PPP4R3B: variants seen among roughly 807,000 people sequenced by gnomAD.
PPP4R3B encodes serine/threonine-protein phosphatase 4 regulatory subunit 3B.
Under a neutral mutation model 95.4 loss-of-function variants are expected in PPP4R3B, and 52 were observed. The ratio of observed to expected loss-of-function variants is 0.54; its 90% CI spans 0.44 to 0.69. The LOEUF (loss-of-function observed/expected upper bound fraction) is 0.69, where lower values mean the gene tolerates loss of function less well. PPP4R3B is among the 30% of genes least tolerant of loss of function. PPP4R3B has a pLI of 0.00. For missense variants in PPP4R3B, 1,003 were observed against 1,005.9 expected (o/e 1.00, Z 0.04); for synonymous variants, 407 against 343.9 (o/e 1.18, Z -2.03).
chr2:55,594,218 T>A (rs949803214), intron 4 of PPP4R3B, among the ~76,000 whole-genome samples: 1 of 150,906 alleles, frequency 6.6e-6, no homozygotes, highest in Non-Finnish European at 1.5e-5. Context: ...ATCACGGTGA[T>A]GGGTACACTA....
At chr2:55,617,047 C>T in intron 1 of PPP4R3B, 97 bp downstream of exon 1, 1 of 1,418,128 alleles carries the variant, frequency 7.1e-7, no homozygotes, top group Non-Finnish European at 9.5e-7. Context: ...CGCGCTGTCC[C>T]GAAGGAGTAG....
intron 16 of PPP4R3B, among the ~76,000 whole-genome samples, chr2:55,557,059 TAAC>T (rs965597544): frequency 8.8e-5 from 13 of 147,536 alleles, no homozygotes; most frequent in East Asian, 6.1e-4. Flanking sequence ...TGAGACTCTG[TAAC>T]AACAACGACG....
At position 55,578,311 on chromosome 2, in the gene PPP4R3B, C is replaced by G. The variant is rs1222974600; in HGVS notation, c.1500G>C (p.Trp500Cys). ...DFFLKHYRYS[W>C]SFICTPSHSH... Reference sequence around the variant, plus strand: ...AATGTGAAGGGGTACATATGAAACTCCAACTATATCTGTAATGTTTTAAAA... The same window carrying G: ...AATGTGAAGGGGTACATATGAAACTGCAACTATATCTGTAATGTTTTAAAA... Residue 500 changes from tryptophan (W) to cysteine (C), a missense_variant, in exon 10 of 17, where the codon TGG becomes TGC. This residue lies in a region of PPP4R3B where 695 missense variants were observed against 686.2 expected (regional missense o/e 1.01). Transcript: ENST00000616407. 11 of 1,452,434 alleles carry G rather than the reference C, an allele frequency of 7.6e-6. No individual in the cohort carries two copies. The highest frequency in any genetic ancestry group is 1.6e-5 in the South Asian group (1 of 62,428). The allele number at this position is 1,452,434 out of a possible 1,614,324, so 90.0% of individuals were successfully genotyped here.
chr2:55,584,514 A>T (rs1279693633), intron 7 of PPP4R3B, among the ~76,000 whole-genome samples: 1 of 152,072 alleles, frequency 6.6e-6, no homozygotes, highest in African/African-American at 2.4e-5. Flanking sequence ...CCCTTTCCCC[A>T]AGTCCCCAAA....
chr2:55,547,903 G>A lies in PPP4R3B; in HGVS notation c.*2008C>T, dbSNP rs1684880836. The A allele has an allele frequency of 6.6e-6, 1 of 152,206 alleles. No individual in the cohort carries two copies. The highest frequency in any genetic ancestry group is 6.5e-5 in the Admixed American group (1 of 15,280). The allele number at this position is 152,206 out of a possible 1,614,324, so 9.4% of individuals were successfully genotyped here. ...ACTACACTCCAGCCTGGGCAACAGAGCGAGACTCAAACAAACAAACAAAAA... is the reference window on the plus strand; with the variant it reads ...ACTACACTCCAGCCTGGGCAACAGAACGAGACTCAAACAAACAAACAAAAA... On this transcript the variant is annotated 3_prime_UTR_variant, in exon 17 of 17. Transcript: ENST00000616407.
At position 55,598,812 on chromosome 2, in the gene PPP4R3B, T is replaced by C. The variant is rs779957210; in HGVS notation, c.525A>G (p.Leu175=). 1.1e-5 allele frequency: 18 copies of C among 1,614,220 alleles called. No individual in the cohort carries two copies. Among genetic ancestry groups the C allele is most frequent in the Admixed American group, 3.3e-5 (2 of 60,026 alleles). Residue 175 remains leucine, a synonymous_variant, in exon 4 of 17, where the codon CTA becomes CTG. Transcript: ENST00000616407. The stretch of plus-strand genomic sequence containing the variant: ...TCTCGCAAGCTTGGAACAGCTGCAA[T>C]AGTTTTTTAATATAGCCTTCATTTT... The part of the protein sequence containing the change: ...ALENEGYIKK[L]LQLFQACENL...
chr2:55,592,112 A>G (rs1270254749), intron 4 of PPP4R3B, among the ~76,000 whole-genome samples: 1 of 152,226 alleles, frequency 6.6e-6, no homozygotes, highest in Non-Finnish European at 1.5e-5. Flanking sequence ...TAATATAAAT[A>G]CAGGCCAAAC....
In PPP4R3B at chr2:55,558,945, T is replaced by G. The variant is rs752988603; in HGVS notation, c.2284A>C (p.Asn762His). 38 of 1,609,158 alleles carry G rather than the reference T, an allele frequency of 2.4e-5. No individual in the cohort carries two copies. Among genetic ancestry groups the G allele is most frequent in the Non-Finnish European group, 3.1e-5 (37 of 1,178,336 alleles). ...CCAGGAGATGTCCTTTTGGGAAGGT[T>G]TTCCTTGTCTTCACTTTCTTTTGCT... ...KKAKESEDKE[N>H]LPKRTSPGGF... Residue 762 changes from asparagine (N) to histidine (H), a missense_variant, in exon 16 of 17, where the codon AAC (asparagine) becomes CAC (histidine). Asn to His is a moderately conservative substitution (Grantham distance 68). Coordinates refer to ENST00000616407, the MANE Select transcript of PPP4R3B (RefSeq NM_001122964.3).
intron 16 of PPP4R3B, among the ~76,000 whole-genome samples, chr2:55,553,576 A>T (rs1343061861): frequency 1.3e-5 from 2 of 152,106 alleles, no homozygotes; most frequent in Non-Finnish European, 2.9e-5. Flanking sequence ...ACCCACCAAA[A>T]AAAGTCCCCA....
At chr2:55,577,918 T>C (rs1688908405) in intron 10 of PPP4R3B, among the ~76,000 whole-genome samples, 1 of 152,058 alleles carries the variant, frequency 6.6e-6, no homozygotes. Flanking sequence ...AACACAAGAA[T>C]GTAACTGGAG....
At chr2:55,610,097 C>G (rs567885877) in intron 2 of PPP4R3B, among the ~76,000 whole-genome samples, 1 of 152,280 alleles carries the variant, frequency 6.6e-6, no homozygotes, top group Non-Finnish European at 1.5e-5. Flanking sequence ...CTCAAAAACA[C>G]TATCAGTGAC....
At chr2:55,567,837 C>T (rs1055759252) in intron 13 of PPP4R3B, among the ~76,000 whole-genome samples, 2 of 152,074 alleles carry the variant, frequency 1.3e-5, no homozygotes, top group Non-Finnish European at 2.9e-5. Flanking sequence ...TCCACATACA[C>T]CAAATGAGAT....
At chr2:55,603,831 G>T in intron 3 of PPP4R3B, 147 bp downstream of exon 3, 1 of 504,962 alleles carries the variant, frequency 2.0e-6, no homozygotes, top group Non-Finnish European at 3.4e-6. Flanking sequence ...ATAATTTGCC[G>T]TAGAATATAA....
chr2:55,598,362 T>G, intron 4 of PPP4R3B, 54 bp downstream of exon 4: 1 of 1,559,644 alleles, frequency 6.4e-7, no homozygotes, highest in Non-Finnish European at 8.7e-7. Context: ...CTTGAACTAT[T>G]AAGGGAACTA....
intron 15 of PPP4R3B, among the ~76,000 whole-genome samples, chr2:55,561,472 CAGT>C (rs1159649605): frequency 6.6e-6 from 1 of 152,202 alleles, no homozygotes; most frequent in Non-Finnish European, 1.5e-5. Context: ...GACCCCAGAA[CAGT>C]AGATCTACCA....
At chr2:55,574,603 T>G (rs890979883) in intron 11 of PPP4R3B, among the ~76,000 whole-genome samples, 2 of 152,050 alleles carry the variant, frequency 1.3e-5, no homozygotes, top group African/African-American at 4.8e-5. Flanking sequence ...GATTCTTTTT[T>G]TTTTTTTTGA....
Position 55,597,183 on chromosome 2 carries a change from A to C in PPP4R3B, c.921+1233T>G, listed in dbSNP as rs1691904895. Among the ~76,000 whole-genome samples the C allele has an allele frequency of 2.0e-5, 3 of 152,086 alleles. No individual in the cohort carries two copies. In the South Asian group the frequency reaches 6.2e-4, roughly 31 times the overall value. ...AATATACTTAATGCCAATGAATTGT[A>C]CACTTAAAAATTGTTGAAACTGGCC... On this transcript the variant is annotated intron_variant, in intron 4 of 16. Coordinates refer to ENST00000616407, the MANE Select transcript of PPP4R3B (RefSeq NM_001122964.3).
chr2:55,578,367 T>C, intron 9 of PPP4R3B, 25 bp from the exon 10 acceptor site: 1 of 1,339,454 alleles, frequency 7.5e-7, no homozygotes, highest in Admixed American at 3.3e-5. Flanking sequence ...GGCAAGTTAG[T>C]TTTGATAAAG....
At chr2:55,583,274 G>A (rs1208432121) in intron 7 of PPP4R3B, among the ~76,000 whole-genome samples, 1 of 151,798 alleles carries the variant, frequency 6.6e-6, no homozygotes, top group African/African-American at 2.4e-5. Flanking sequence ...TTCTCTTGTG[G>A]ACTAAATTAT....
Sources: allele counts gnomAD v4.1 joint callset (sites outside exome capture counted in the v4.1 genomes callset), GRCh38; gene constraint gnomAD v4.1.1; regional missense constraint gnomAD v4.1.1; transcripts MANE v1.5; gene names NCBI Gene and HGNC (gene_info 2026-07-23, HGNC 2026-07-21).